CTNNA3: variants seen among roughly 807,000 people sequenced by gnomAD.
CTNNA3 encodes the protein catenin alpha-3.
Under a neutral mutation model 95.7 loss-of-function variants are expected in CTNNA3, and 76 were observed. That is an observed-to-expected ratio of 0.79 (90% confidence interval 0.66 to 0.96). The LOEUF (loss-of-function observed/expected upper bound fraction) is 0.96, where lower values mean the gene tolerates loss of function less well. CTNNA3 is among the 40% of genes least tolerant of loss of function. The pLI is 0.00. For missense variants in CTNNA3, 1,191 were observed against 1,089.8 expected (o/e 1.09, Z -1.31); for synonymous variants, 431 against 374.4 (o/e 1.15, Z -1.74).
At chr10:66,319,250 T>C (rs2132283019) in intron 12 of CTNNA3, among the ~76,000 whole-genome samples, 1 of 152,190 alleles carries the variant, frequency 6.6e-6, no homozygotes, top group Admixed American at 6.5e-5. Context: ...AAAAGAGAAC[T>C]TCACCTTGAG....
intron 11 of CTNNA3, among the ~76,000 whole-genome samples, chr10:66,487,932 AT>A (rs541736287): frequency 3.0e-4 from 46 of 152,300 alleles, no homozygotes; most frequent in African/African-American, 1.1e-3. Flanking sequence ...TTTACCAGGA[AT>A]TAGCAAGGTA....
intron 7 of CTNNA3, among the ~76,000 whole-genome samples, chr10:67,096,957 G>A (rs1026007189): frequency 2.0e-5 from 3 of 151,882 alleles, no homozygotes; most frequent in African/African-American, 7.3e-5. Flanking sequence ...ATATTAAGAA[G>A]TCATGGGTAA....
chr10:66,343,228 T>G (rs1394943038), intron 12 of CTNNA3, among the ~76,000 whole-genome samples: 1 of 151,990 alleles, frequency 6.6e-6, no homozygotes, highest in Non-Finnish European at 1.5e-5. Flanking sequence ...TACTGGTAAT[T>G]TATCCAAAAG....
At chr10:67,231,749 G>A (rs1865223776) in intron 5 of CTNNA3, among the ~76,000 whole-genome samples, 1 of 152,142 alleles carries the variant, frequency 6.6e-6, no homozygotes, top group Non-Finnish European at 1.5e-5. Context: ...AGGCAAAGAA[G>A]TTGAAAACTT....
At chr10:66,749,660 C>T (rs1350821662) in intron 9 of CTNNA3, among the ~76,000 whole-genome samples, 1 of 152,146 alleles carries the variant, frequency 6.6e-6, no homozygotes, top group South Asian at 2.1e-4. Flanking sequence ...ATGAATAAAG[C>T]TTCTATGAAC....
In CTNNA3 at chr10:66,307,364, T is replaced by C. The variant is rs927663045; in HGVS notation, c.1733-26743A>G. ...TTACATATCATTTGCATGTGTGACA[T>C]TAACTATTTTAAATAAAGGTATATT... On this transcript the variant is annotated intron_variant, in intron 12 of 17. Transcript: ENST00000433211. 2.6e-5 allele frequency among the ~76,000 whole-genome samples: 4 copies of C among 152,328 alleles called. No individual in the cohort carries two copies. The East Asian group carries it at 5.8e-4, about 22-fold the overall frequency.
At chr10:66,314,970 G>A (rs530805221) in intron 12 of CTNNA3, among the ~76,000 whole-genome samples, 9 of 152,136 alleles carry the variant, frequency 5.9e-5, no homozygotes, top group East Asian at 1.9e-4. Context: ...AGAAACTTAC[G>A]ATGTGTGGTG....
At chr10:67,288,855 A>G (rs1226793028) in intron 5 of CTNNA3, among the ~76,000 whole-genome samples, 2 of 152,176 alleles carry the variant, frequency 1.3e-5, no homozygotes, top group Non-Finnish European at 2.9e-5. Flanking sequence ...TCCTAGCTAC[A>G]TGAAAGGCCA....
At position 66,850,309 on chromosome 10, in the gene CTNNA3, T is replaced by C. The variant is rs187885807; in HGVS notation, c.1048-74785A>G. Among the ~76,000 whole-genome samples, 428 of 152,324 alleles carry C rather than the reference T, an allele frequency of 2.8e-3. 2 individuals carry two copies. The highest frequency in any genetic ancestry group is 0.01 in the African/African-American group (418 of 41,590). ...TAAGCAATATCTGATAGCATGTTTA[T>C]ACTTGCATTCCTAACTGCTACGTGC... On this transcript the variant is annotated intron_variant, in intron 7 of 17. Transcript: ENST00000433211.
At chr10:67,562,019 T>C (rs1354616040) in intron 3 of CTNNA3, among the ~76,000 whole-genome samples, 2 of 151,472 alleles carry the variant, frequency 1.3e-5, no homozygotes, top group African/African-American at 4.9e-5. Flanking sequence ...CCAAAAAGAG[T>C]CCAGGACCAG....
At chr10:66,868,093 A>T (rs1844251761) in intron 7 of CTNNA3, among the ~76,000 whole-genome samples, 1 of 150,526 alleles carries the variant, frequency 6.6e-6, no homozygotes, top group Admixed American at 6.7e-5. Context: ...ATGGTGGCTC[A>T]TGCCTGTAAT....
intron 12 of CTNNA3, among the ~76,000 whole-genome samples, chr10:66,293,303 GTT>G (rs1368549808): frequency 2.0e-5 from 3 of 152,000 alleles, no homozygotes; most frequent in African/African-American, 7.2e-5. Flanking sequence ...ATTTGCCTGT[GTT>G]TCCTACTAAC....
rs74141741 is a variant in CTNNA3 at position 66,956,427 on chromosome 10, T to C, written c.1048-180903A>G. ...ATTGACCCTGTAAAACCAACTGATA[T>C]CCAGAGTTAACTGGCTTGCAGAGCT... On this transcript the variant is annotated intron_variant, in intron 7 of 17. Transcript: ENST00000433211. 8.1e-3 allele frequency among the ~76,000 whole-genome samples: 1,235 copies of C among 152,072 alleles called. 16 individuals are homozygous for C. Among genetic ancestry groups the C allele is most frequent in the African/African-American group, 0.028 (1,179 of 41,470 alleles).
intron 7 of CTNNA3, among the ~76,000 whole-genome samples, chr10:66,994,428 T>C (rs1851215324): frequency 6.6e-6 from 1 of 152,176 alleles, no homozygotes; most frequent in Non-Finnish European, 1.5e-5. Flanking sequence ...TGAGTCTCTT[T>C]AAAAGCACAA....
chr10:65,965,944 C>T (rs1475836635), intron 17 of CTNNA3, among the ~76,000 whole-genome samples: 1 of 152,072 alleles, frequency 6.6e-6, no homozygotes, highest in East Asian at 1.9e-4. Flanking sequence ...TCACTGATAA[C>T]TGAATCCAAT....
At chr10:67,701,221 C>A (rs186601844) in intron 1 of CTNNA3, among the ~76,000 whole-genome samples, 4 of 152,270 alleles carry the variant, frequency 2.6e-5, no homozygotes, top group East Asian at 3.9e-4. Flanking sequence ...ATCCAGGAGA[C>A]CTTCCCCAAT....
At chr10:67,253,309 T>C (rs540624922) in intron 5 of CTNNA3, among the ~76,000 whole-genome samples, 7 of 152,318 alleles carry the variant, frequency 4.6e-5, no homozygotes, top group Admixed American at 3.9e-4. Flanking sequence ...CAAAATGTTA[T>C]GCAGAACAAT....
chr10:66,244,412 CA>C (rs2090226535), intron 13 of CTNNA3, among the ~76,000 whole-genome samples: 1 of 152,096 alleles, frequency 6.6e-6, no homozygotes, highest in Non-Finnish European at 1.5e-5. Flanking sequence ...AGGCAGTAGC[CA>C]GGTAGTAGTT....
At chr10:65,944,898 A>ATCTG in intron 17 of CTNNA3, among the ~76,000 whole-genome samples, 1 of 114,724 alleles carries the variant, frequency 8.7e-6, no homozygotes, top group African/African-American at 2.8e-5. Context: ...CTATCTATCT[A>ATCTG]TCATCTATCT....
Sources: allele counts gnomAD v4.1 joint callset (sites outside exome capture counted in the v4.1 genomes callset), GRCh38; gene constraint gnomAD v4.1.1; transcripts MANE v1.5; gene names NCBI Gene and HGNC (gene_info 2026-07-23, HGNC 2026-07-21).